MYT1L: variants seen among roughly 807,000 people sequenced by gnomAD.
MYT1L encodes myelin transcription factor 1 like.
MYT1L carries 12 observed loss-of-function variants against 126.7 expected under a neutral mutation model. That is an observed-to-expected ratio of 0.09 (90% CI 0.06 to 0.15). The LOEUF (loss-of-function observed/expected upper bound fraction) is 0.15, where lower values mean the gene tolerates loss of function less well. Ranked by LOEUF, MYT1L falls within the 10% of genes least tolerant of loss-of-function variation. The probability of loss-of-function intolerance (pLI) is 1.00; values close to 1 mark genes in which losing one functional copy is unlikely to be tolerated. For synonymous variants in MYT1L, 541 were observed against 604.2 expected, an observed-to-expected ratio of 0.90 and a Z score of 1.53; for missense variants, 979 against 1,585.2, an observed-to-expected ratio of 0.62 and a Z score of 6.49.
intron 3 of MYT1L, among the ~76,000 whole-genome samples, chr2:2,164,936 A>G (rs573248801): frequency 6.6e-6 from 1 of 152,316 alleles, no homozygotes; most frequent in Non-Finnish European, 1.5e-5. Flanking sequence ...AAGGGCACTC[A>G]AAGTTCACCT....
intron 2 of MYT1L, among the ~76,000 whole-genome samples, chr2:2,204,168 A>G (rs2093207057): frequency 6.6e-6 from 1 of 152,146 alleles, no homozygotes; most frequent in African/African-American, 2.4e-5. Flanking sequence ...CTAGAAGAAA[A>G]CCTAGGCAAT....
At chr2:2,237,912 T>C (rs1471600208) in intron 2 of MYT1L, among the ~76,000 whole-genome samples, 2 of 152,114 alleles carry the variant, frequency 1.3e-5, no homozygotes, top group Non-Finnish European at 2.9e-5. Context: ...CGCCACACCT[T>C]GGTACTTGCA....
intron 3 of MYT1L, among the ~76,000 whole-genome samples, chr2:2,169,639 T>A (rs933647749): frequency 2.0e-5 from 3 of 152,122 alleles, no homozygotes; most frequent in African/African-American, 7.2e-5. Flanking sequence ...GGTTTTTTTT[T>A]AAATTCACAT....
intron 9 of MYT1L, among the ~76,000 whole-genome samples, chr2:1,927,486 G>T (rs1038707264): frequency 6.6e-6 from 1 of 152,130 alleles, no homozygotes; most frequent in African/African-American, 2.4e-5. Context: ...GAGTCTGGTA[G>T]AGTCAGAACT....
chr2:1,892,365 G>A (rs2049001209), intron 14 of MYT1L, 78 bp from the exon 15 acceptor site: 2 of 1,491,098 alleles, frequency 1.3e-6, no homozygotes, highest in Non-Finnish European at 1.8e-6. Flanking sequence ...GGGCCTGCCC[G>A]CCCCGGCCTC....
intron 8 of MYT1L, among the ~76,000 whole-genome samples, chr2:1,974,994 A>G (rs1045934488): frequency 2.0e-5 from 3 of 152,236 alleles, no homozygotes; most frequent in African/African-American, 4.8e-5. Flanking sequence ...TTTGGAAATT[A>G]ATGTAGAACA....
intron 3 of MYT1L, among the ~76,000 whole-genome samples, chr2:2,134,801 T>C (rs1030965924): frequency 6.6e-6 from 1 of 152,180 alleles, no homozygotes; most frequent in African/African-American, 2.4e-5. Flanking sequence ...CTAAGATGTA[T>C]CTCTTTCCTC....
intron 8 of MYT1L, among the ~76,000 whole-genome samples, chr2:1,955,008 C>A (rs114154804): frequency 0.012 from 1,846 of 151,742 alleles, 42 homozygotes; most frequent in African/African-American, 0.042. Flanking sequence ...AAAAGTTAGC[C>A]GGGCGTCGTG....
intron 22 of MYT1L, among the ~76,000 whole-genome samples, chr2:1,804,192 C>T (rs2147937691): frequency 6.6e-6 from 1 of 152,316 alleles, no homozygotes; most frequent in African/African-American, 2.4e-5. Flanking sequence ...GTGACCTTGG[C>T]TCACTGCAAC....
chr2:2,282,714 T>A (rs2095466118), intron 2 of MYT1L, among the ~76,000 whole-genome samples: 1 of 152,234 alleles, frequency 6.6e-6, no homozygotes, highest in South Asian at 2.1e-4. Flanking sequence ...ATTGATGAAG[T>A]ATATTTCAGT....
chr2:1,970,796 G>A (rs992797582), intron 8 of MYT1L, among the ~76,000 whole-genome samples: 9 of 152,164 alleles, frequency 5.9e-5, no homozygotes, highest in African/African-American at 2.2e-4. Context: ...CAGCTGTACT[G>A]CACGCAAATT....
intron 19 of MYT1L, among the ~76,000 whole-genome samples, chr2:1,844,602 G>A (rs1300924543): frequency 2.0e-5 from 3 of 152,140 alleles, no homozygotes; most frequent in Non-Finnish European, 2.9e-5. Context: ...TGGCCCGAGT[G>A]TCTGTGCTTC....
At position 1,889,909 on chromosome 2, in the gene MYT1L, T is replaced by G. The variant is rs2048635653; in HGVS notation, c.2284-432A>C. On this transcript the variant is annotated intron_variant, in intron 15 of 24. Transcript: ENST00000647738. The surrounding 1 kb of genome is among the most constrained non-coding windows in gnomAD (Gnocchi z 4.1). ...GTGTGTATGCATGTGTGCATATACATGTATGTGCATGTGTGTGTGTGTATA... is the reference window on the plus strand; with the variant it reads ...GTGTGTATGCATGTGTGCATATACAGGTATGTGCATGTGTGTGTGTGTATA... 6.6e-6 allele frequency among the ~76,000 whole-genome samples: 1 copy of G among 152,202 alleles called. No individual in the cohort carries two copies. The highest frequency in any genetic ancestry group is 2.1e-4 in the South Asian group (1 of 4,832).
chr2:2,085,813 C>T (rs1300020293), intron 3 of MYT1L, among the ~76,000 whole-genome samples: 7 of 152,304 alleles, frequency 4.6e-5, no homozygotes, highest in Admixed American at 2.0e-4. Context: ...TCGACCCACA[C>T]GCACCTCTCT....
At chr2:2,290,442 G>A (rs2095582801) in intron 1 of MYT1L, among the ~76,000 whole-genome samples, 1 of 152,178 alleles carries the variant, frequency 6.6e-6, no homozygotes, top group Non-Finnish European at 1.5e-5. Context: ...GCAAGAACAT[G>A]TTATACTCAC....
Position 2,320,306 on chromosome 2 carries a change from T to C in MYT1L, c.-521+10661A>G, listed in dbSNP as rs144641376. ...TCAAGCCTCATCCATGGCTGTCTTT[T>C]TCCTACTTTCTTTAGTGTGCTTTGT... On this transcript the variant is annotated intron_variant, in intron 1 of 24. Transcript: ENST00000647738. 8.0e-3 allele frequency among the ~76,000 whole-genome samples: 1,211 copies of C among 152,116 alleles called. 10 individuals are homozygous for C. The highest frequency in any genetic ancestry group is 0.015 in the South Asian group (71 of 4,800).
chr2:1,817,085 CTT>C (rs2037775799), intron 21 of MYT1L: 1 of 152,244 alleles, frequency 6.6e-6, no homozygotes, highest in Admixed American at 6.5e-5. Context: ...CTTGTCCACT[CTT>C]ATGTCAAAAA....
intron 2 of MYT1L, among the ~76,000 whole-genome samples, chr2:2,205,994 T>C (rs2093302723): frequency 1.4e-5 from 2 of 142,884 alleles, no homozygotes; most frequent in Admixed American, 6.7e-5. Flanking sequence ...CTTTCTTTTT[T>C]TTTTTTGAAA....
At chr2:1,813,811 C>A (rs7421472) in intron 21 of MYT1L, among the ~76,000 whole-genome samples, 83,537 of 130,022 alleles carry the variant, frequency 0.64, 27,373 homozygotes, top group South Asian at 0.81. Flanking sequence ...GCGGATCACG[C>A]GGTCAGGAGA....
Sources: allele counts gnomAD v4.1 joint callset (sites outside exome capture counted in the v4.1 genomes callset), GRCh38; gene constraint gnomAD v4.1.1; non-coding constraint Gnocchi (gnomAD v3.1); transcripts MANE v1.5; gene names NCBI Gene and HGNC (gene_info 2026-07-23, HGNC 2026-07-21).